Variants in BARD1 observed in about 807,000 individuals in gnomAD.
BARD1 encodes BRCA1 associated RING domain 1.
In BARD1, 73 loss-of-function variants were observed where a neutral mutation model predicts 77.0. The observed-to-expected ratio is 0.95, with a 90% CI of 0.79 to 1.15. BARD1 has a LOEUF of 1.15. BARD1 is among the 50% of genes most tolerant of loss of function. The pLI is 0.00. For synonymous variants in BARD1, 384 were observed against 338.0 expected, an observed-to-expected ratio of 1.14 and a Z score of -1.49; for missense variants, 993 against 938.8, an observed-to-expected ratio of 1.06 and a Z score of -0.75.
intron 6 of BARD1, among the ~76,000 whole-genome samples, chr2:214,758,198 A>G (rs1343637686): frequency 6.6e-6 from 1 of 152,216 alleles, no homozygotes; most frequent in Non-Finnish European, 1.5e-5. Context: ...CTTACATTTC[A>G]GCCCTGCCAC....
chr2:214,799,955 G>A (rs767521135), intron 1 of BARD1, among the ~76,000 whole-genome samples: 3 of 152,150 alleles, frequency 2.0e-5, no homozygotes, highest in East Asian at 1.9e-4. Flanking sequence ...TCCTTCCACC[G>A]CATTTTAATA....
intron 6 of BARD1, among the ~76,000 whole-genome samples, chr2:214,759,349 T>C (rs1399657307): frequency 2.0e-5 from 3 of 152,132 alleles, no homozygotes; most frequent in Non-Finnish European, 2.9e-5. Flanking sequence ...ATGGTTCTCA[T>C]GTGACCGTAA....
chr2:214,770,364 C>G (rs1694423926), intron 4 of BARD1, among the ~76,000 whole-genome samples: 1 of 152,182 alleles, frequency 6.6e-6, no homozygotes. Flanking sequence ...TTCCAGTACT[C>G]TGGAGAGCTA....
At chr2:214,757,115 G>A (rs1693729778) in intron 6 of BARD1, among the ~76,000 whole-genome samples, 1 of 151,956 alleles carries the variant, frequency 6.6e-6, no homozygotes, top group Admixed American at 6.6e-5. Flanking sequence ...GGCCCTTCCT[G>A]TATAGCCTGG....
At position 214,809,459 on chromosome 2, in the gene BARD1, A is replaced by T. The variant is rs2106171106; in HGVS notation, c.111T>A (p.Ser37Arg). ...TCTCCAGGCGGTCGAGCGCGGCGCG[A>T]CTGTGGGCCCAGGCACCGCGACCAT... The part of the protein sequence containing the change: ...EPDGRGAWAH[S>R]RAALDRLEKL... The change falls in exon 1 of 11, where the codon AGT becomes AGA. Residue 37 changes from serine to arginine, a missense_variant. Transcript: ENST00000260947. 1 of 1,611,268 alleles carries T rather than the reference A, an allele frequency of 6.2e-7. No individual in the cohort carries two copies. The highest frequency in any genetic ancestry group is 1.1e-5 in the South Asian group (1 of 90,892).
At chr2:214,743,768 C>G (rs12476653) in intron 9 of BARD1, among the ~76,000 whole-genome samples, 74,304 of 151,902 alleles carry the variant, frequency 0.49, 18,340 homozygotes, top group East Asian at 0.57. Context: ...ATTTTTAGTA[C>G]AGAAGGGGGT....
chr2:214,785,686 T>G (rs1695240075), intron 3 of BARD1, among the ~76,000 whole-genome samples: 1 of 148,368 alleles, frequency 6.7e-6, no homozygotes, highest in East Asian at 2.0e-4. Context: ...CCACACAAAC[T>G]GGATTAGCAA....
intron 1 of BARD1, among the ~76,000 whole-genome samples, chr2:214,799,317 A>C (rs1166399418): frequency 6.6e-6 from 1 of 152,042 alleles, no homozygotes; most frequent in Non-Finnish European, 1.5e-5. Flanking sequence ...ATTAAAATAA[A>C]ATAAAATAAA....
chr2:214,775,236 C>T (rs1366994164), intron 4 of BARD1, among the ~76,000 whole-genome samples: 3 of 151,884 alleles, frequency 2.0e-5, no homozygotes, highest in Middle Eastern at 3.2e-3. Flanking sequence ...CCTCACTCAT[C>T]ATTTCTAGCT....
intron 6 of BARD1, among the ~76,000 whole-genome samples, chr2:214,767,015 CTTCT>C (rs1170048011): frequency 3.9e-5 from 6 of 152,018 alleles, no homozygotes; most frequent in Admixed American, 6.6e-5. Flanking sequence ...CTGTTGTTCC[CTTCT>C]TTGTGTTCAT....
At chr2:214,736,707 G>A (rs1316425853) in intron 9 of BARD1, among the ~76,000 whole-genome samples, 1 of 151,298 alleles carries the variant, frequency 6.6e-6, no homozygotes, top group Non-Finnish European at 1.5e-5. Flanking sequence ...CAGTAAGTAT[G>A]GCATCAAAAA....
At chr2:214,781,552 T>C (rs1695039596) in intron 3 of BARD1, 43 bp from the exon 4 acceptor site, 1 of 1,542,726 alleles carries the variant, frequency 6.5e-7, no homozygotes, top group African/African-American at 1.4e-5. Flanking sequence ...ATGAAATTTA[T>C]TGCTCCCACA....
At chr2:214,754,032 G>C (rs954487526) in intron 6 of BARD1, among the ~76,000 whole-genome samples, 1 of 151,866 alleles carries the variant, frequency 6.6e-6, no homozygotes, top group Non-Finnish European at 1.5e-5. Context: ...ACAATCTCAG[G>C]GTATTTTAAA....
intron 7 of BARD1, among the ~76,000 whole-genome samples, chr2:214,751,707 T>C (rs1693462161): frequency 6.6e-6 from 1 of 152,160 alleles, no homozygotes; most frequent in Non-Finnish European, 1.5e-5. Flanking sequence ...CATTTCATGT[T>C]TTACAGACAT....
At chr2:214,751,142 TA>T (rs1559393184) in intron 7 of BARD1, among the ~76,000 whole-genome samples, 7 of 46,590 alleles carry the variant, frequency 1.5e-4, no homozygotes, top group Admixed American at 2.4e-4. Flanking sequence ...TATATATATA[TA>T]TATATATATT....
At chr2:214,767,987 T>C (rs1694296789) in intron 5 of BARD1, among the ~76,000 whole-genome samples, 1 of 150,066 alleles carries the variant, frequency 6.7e-6, no homozygotes, top group African/African-American at 2.5e-5. Context: ...AAGAAAAAAG[T>C]CTACATATTT....
At chr2:214,758,580 A>G (rs1230910156) in intron 6 of BARD1, among the ~76,000 whole-genome samples, 2 of 152,222 alleles carry the variant, frequency 1.3e-5, no homozygotes. Context: ...ACAACATTCT[A>G]AGAGTAGATT....
intron 3 of BARD1, among the ~76,000 whole-genome samples, chr2:214,784,296 T>G (rs1028239909): frequency 5.3e-5 from 8 of 151,924 alleles, no homozygotes; most frequent in African/African-American, 1.7e-4. Flanking sequence ...TCATCATCAT[T>G]AGACAAATGC....
intron 9 of BARD1, among the ~76,000 whole-genome samples, chr2:214,744,450 T>C (rs1257730514): frequency 6.6e-6 from 1 of 152,238 alleles, no homozygotes; most frequent in African/African-American, 2.4e-5. Context: ...ACATGTGTTA[T>C]TAAATTCAAT....
Sources: gnomAD v4.1 joint callset for allele counts (sites outside exome capture counted in the v4.1 genomes callset) on GRCh38, gnomAD v4.1.1 for gene constraint, MANE v1.5 for transcripts, NCBI Gene and HGNC (gene_info 2026-07-23, HGNC 2026-07-21) for gene names.